The following PUM2 variants were observed in gnomAD, a reference collection of about 807,000 sequenced individuals.
PUM2 encodes pumilio homolog 2.
A neutral mutation model predicts 124.5 loss-of-function variants in PUM2; 57 were observed. The observed-to-expected ratio is 0.46, with a 90% CI of 0.37 to 0.57. PUM2 has a LOEUF of 0.57. Among genes scored for constraint, PUM2 ranks in the 20% least tolerant of loss-of-function variants. The pLI is 0.00. For missense variants in PUM2, 1,065 were observed against 1,290.6 expected (o/e 0.83, Z 2.68); for synonymous variants, 460 against 446.1 (o/e 1.03, Z -0.39).
rs752913057 is a variant in PUM2 at position 20,318,664 on chromosome 2, A to G, written c.52-19T>C. 6.5e-7 allele frequency: 1 copy of G among 1,537,642 alleles called. No homozygotes were observed. The highest frequency in any genetic ancestry group is 2.2e-5 in the East Asian group (1 of 44,502). Reference sequence around the variant, plus strand: ...GCAAAAGCTATTTGGAGGAAAAATTACAGTTAAATTTTATTCTAATTACAA... The same window carrying G: ...GCAAAAGCTATTTGGAGGAAAAATTGCAGTTAAATTTTATTCTAATTACAA... On this transcript the variant is annotated intron_variant, in intron 2 of 20. Coordinates refer to ENST00000361078, the MANE Select transcript of PUM2 (RefSeq NM_015317.5).
chr2:20,323,088 T>C (rs1572924755), intron 2 of PUM2, among the ~76,000 whole-genome samples: 6 of 152,200 alleles, frequency 3.9e-5, no homozygotes, highest in Admixed American at 2.6e-4. Flanking sequence ...AGTACTATTA[T>C]GTGGCCTTGG....
intron 8 of PUM2, among the ~76,000 whole-genome samples, chr2:20,296,427 G>A (rs1038461273): frequency 2.0e-5 from 3 of 151,946 alleles, no homozygotes; most frequent in South Asian, 2.1e-4. Context: ...CCCGGGAGGC[G>A]GAGCTTGCAG....
intron 1 of PUM2, among the ~76,000 whole-genome samples, chr2:20,343,260 G>A (rs999700513): frequency 2.0e-5 from 3 of 152,068 alleles, no homozygotes; most frequent in African/African-American, 7.2e-5. Flanking sequence ...TGGGTGTACT[G>A]GTACATGCCT....
intron 13 of PUM2, among the ~76,000 whole-genome samples, chr2:20,267,745 G>A (rs754664537): frequency 6.6e-6 from 1 of 152,176 alleles, no homozygotes; most frequent in Non-Finnish European, 1.5e-5. Context: ...CAAAAGGTAT[G>A]GGACATGCAG....
At chr2:20,272,352 G>GT (rs763021739) in intron 13 of PUM2, among the ~76,000 whole-genome samples, 127 of 152,166 alleles carry the variant, frequency 8.3e-4, no homozygotes, top group Non-Finnish European at 1.5e-3. Flanking sequence ...GTGCATATGT[G>GT]TATGTGTGGT....
intron 13 of PUM2, among the ~76,000 whole-genome samples, chr2:20,267,707 G>C (rs1180349312): frequency 6.6e-6 from 1 of 151,866 alleles, no homozygotes; most frequent in Non-Finnish European, 1.5e-5. Context: ...CACAGATGAG[G>C]TCACTATGGT....
chr2:20,325,526 A>G (rs913401523), intron 2 of PUM2, among the ~76,000 whole-genome samples: 2 of 150,540 alleles, frequency 1.3e-5, no homozygotes, highest in South Asian at 4.1e-4. Flanking sequence ...TTATTTAGAA[A>G]GAGTGAAAAA....
chr2:20,297,498 A>G (rs1462673223), intron 8 of PUM2, 55 bp downstream of exon 8: 3 of 1,410,848 alleles, frequency 2.1e-6, no homozygotes, highest in Non-Finnish European at 2.8e-6. Flanking sequence ...GCTTACACCC[A>G]AAACTAAATA....
At chr2:20,336,139 G>A (rs1185860496) in intron 1 of PUM2, among the ~76,000 whole-genome samples, 2 of 152,184 alleles carry the variant, frequency 1.3e-5, no homozygotes, top group Non-Finnish European at 2.9e-5. Context: ...AAATGAAGAT[G>A]ACAAGCTTTA....
chr2:20,313,187 T>C (rs1680057271), intron 3 of PUM2, among the ~76,000 whole-genome samples: 1 of 152,136 alleles, frequency 6.6e-6, no homozygotes, highest in South Asian at 2.1e-4. Flanking sequence ...CCAAAAGCAA[T>C]GGCAACAAAA....
chr2:20,296,730 G>A (rs1675693519), intron 8 of PUM2, among the ~76,000 whole-genome samples: 1 of 151,594 alleles, frequency 6.6e-6, no homozygotes, highest in South Asian at 2.1e-4. Flanking sequence ...TATAAACAAT[G>A]CCTCAGACTA....
chr2:20,277,621 GTTT>G (rs777461887), intron 13 of PUM2, among the ~76,000 whole-genome samples: 2 of 151,898 alleles, frequency 1.3e-5, no homozygotes, highest in Non-Finnish European at 2.9e-5. Flanking sequence ...GCTTGTTTTT[GTTT>G]TTTTCTTTTA....
At chr2:20,338,292 G>A (rs1419284461) in intron 1 of PUM2, among the ~76,000 whole-genome samples, 1 of 152,168 alleles carries the variant, frequency 6.6e-6, no homozygotes, top group Non-Finnish European at 1.5e-5. Context: ...AGCTACTCAG[G>A]AGGCTGAGGC....
chr2:20,324,160 T>C (rs1220821330), intron 2 of PUM2, among the ~76,000 whole-genome samples: 7 of 152,204 alleles, frequency 4.6e-5, no homozygotes, highest in East Asian at 3.9e-4. Context: ...CAGAGATACA[T>C]GTGATTCATA....
In PUM2 at chr2:20,305,779, G is replaced by T. The variant is rs541178817; in HGVS notation, c.883+2199C>A. 1.0e-3 allele frequency among the ~76,000 whole-genome samples: 157 copies of T among 152,180 alleles called. 1 individual carries two copies. Among genetic ancestry groups the T allele is most frequent in the African/African-American group, 3.7e-3 (153 of 41,536 alleles). ...TTAAAGCTACAATGAAAGACAGGAAGAAAGCCATTTACAATAACAAAACAT... is the reference window on the plus strand; with the variant it reads ...TTAAAGCTACAATGAAAGACAGGAATAAAGCCATTTACAATAACAAAACAT... On this transcript the variant is annotated intron_variant, in intron 7 of 20. Coordinates refer to ENST00000361078, the MANE Select transcript of PUM2 (RefSeq NM_015317.5).
chr2:20,298,041 C>T (rs559739740), intron 7 of PUM2, among the ~76,000 whole-genome samples: 5 of 152,300 alleles, frequency 3.3e-5, no homozygotes, highest in Admixed American at 6.5e-5. Flanking sequence ...AGAACTGCTA[C>T]TGGTAAATAG....
rs765146049 is a variant in PUM2 at position 20,297,518 on chromosome 2, G to C, written c.1009+35C>G. 6 of 1,489,170 alleles carry C rather than the reference G, an allele frequency of 4.0e-6. No homozygotes were observed. In the South Asian group the frequency reaches 8.1e-5, roughly 20 times the overall value. 92.2% of individuals were successfully genotyped at this position (1,489,170 alleles called of 1,614,324 possible). A position where few individuals can be genotyped will look rare whatever the true frequency, so the allele number is the denominator to read the frequency against. On this transcript the variant is annotated intron_variant, in intron 8 of 20. Transcript: ENST00000361078. ...CACCCAAAACTAAATACATTAAAAA[G>C]CAACCATAATAAAGATGAACAAATA...
chr2:20,316,783 G>A (rs1269031385), intron 3 of PUM2, among the ~76,000 whole-genome samples: 2 of 152,176 alleles, frequency 1.3e-5, no homozygotes, highest in Non-Finnish European at 2.9e-5. Flanking sequence ...CCTAATCCCA[G>A]CACTCTGGGT....
At chr2:20,282,296 A>G (rs529746360) in intron 12 of PUM2, among the ~76,000 whole-genome samples, 175 of 152,342 alleles carry the variant, frequency 1.1e-3, no homozygotes, top group Non-Finnish European at 1.8e-3. Flanking sequence ...TAGTGAAGCT[A>G]TTTAAAATTT....
Sources: gnomAD v4.1 joint callset for allele counts (sites outside exome capture counted in the v4.1 genomes callset) on GRCh38, gnomAD v4.1.1 for gene constraint, MANE v1.5 for transcripts, NCBI Gene and HGNC (gene_info 2026-07-23, HGNC 2026-07-21) for gene names.